The following ANO1 variants were observed in gnomAD, a reference collection of about 807,000 sequenced individuals.
The protein encoded by ANO1 is anoctamin 1.
ANO1 carries 59 observed loss-of-function variants against 124.0 expected under a neutral mutation model. The observed-to-expected ratio is 0.48, with a 90% CI of 0.39 to 0.59. ANO1 has a LOEUF of 0.59. Among genes scored for constraint, ANO1 ranks in the 20% least tolerant of loss-of-function variants. The pLI, the probability that ANO1 is intolerant of heterozygous loss-of-function variation, is 0.00. For missense variants in ANO1, 1,059 were observed against 1,328.0 expected (o/e 0.80, Z 3.15); for synonymous variants, 529 against 532.0 (o/e 0.99, Z 0.08).
intron 8 of ANO1, among the ~76,000 whole-genome samples, chr11:70,117,964 T>G (rs2046057524): frequency 6.6e-6 from 1 of 152,152 alleles, no homozygotes; most frequent in Non-Finnish European, 1.5e-5. Flanking sequence ...TGGGACCCCA[T>G]GACTTGCAGA....
upstream of ANO1, among the ~76,000 whole-genome samples, chr11:70,077,818 C>G (rs1363234698): frequency 6.6e-6 from 1 of 152,224 alleles, no homozygotes; most frequent in African/African-American, 2.4e-5. Context: ...ACTAAGCACT[C>G]CGTAAACTCG....
Position 70,162,254 on chromosome 11 carries a change from A to G in ANO1, c.1892+521A>G, listed in dbSNP as rs192108141. The stretch of plus-strand genomic sequence containing the variant: ...GAGGACCGGGGAGTGAGGACCCGGG[A>G]GTGAGGGCCCCGGACAGTGGGGACC... On this transcript the variant is annotated intron_variant, in intron 18 of 25. Coordinates refer to ENST00000355303, the MANE Select transcript of ANO1 (RefSeq NM_018043.7). Among the ~76,000 whole-genome samples the G allele has an allele frequency of 7.1e-3, 1,068 of 149,696 alleles. 19 individuals carry two copies. The highest frequency in any genetic ancestry group is 0.025 in the African/African-American group (1,026 of 40,542).
At chr11:70,152,547 C>T (rs1405610355) in intron 13 of ANO1, 86 bp downstream of exon 13, 3 of 1,479,582 alleles carry the variant, frequency 2.0e-6, no homozygotes, top group Non-Finnish European at 1.9e-6. Context: ...TCTCTTTCTA[C>T]CACGCAGTTC....
chr11:69,967,576 C>T, the ANO1 span, among the ~76,000 whole-genome samples: 1 of 152,232 alleles, frequency 6.6e-6, no homozygotes, highest in Admixed American at 6.5e-5. Flanking sequence ...CCATCCACCC[C>T]AGAGGACTCT....
chr11:70,153,463 C>G (rs2047681446), intron 14 of ANO1, among the ~76,000 whole-genome samples: 1 of 152,206 alleles, frequency 6.6e-6, no homozygotes. Flanking sequence ...GCATTTCAAC[C>G]ACAGGAACCA....
intron 1 of ANO1, among the ~76,000 whole-genome samples, chr11:70,052,460 T>G (rs1437478386): frequency 6.6e-6 from 1 of 151,098 alleles, no homozygotes; most frequent in Non-Finnish European, 1.5e-5. Flanking sequence ...ACACATGCCT[T>G]CTGACATTTA....
At chr11:70,142,633 G>A (rs1029689783) in intron 11 of ANO1, among the ~76,000 whole-genome samples, 34 of 152,196 alleles carry the variant, frequency 2.2e-4, no homozygotes, top group African/African-American at 8.2e-4. Context: ...TTAGCAAAGG[G>A]TGGTTTCTAT....
Position 70,169,191 on chromosome 11 carries a change from C to CTAG in ANO1, c.2198-1694_2198-1692dup, listed in dbSNP as rs1482241224. ...CAGCCCCTTCCCTGGATTTATTTTC[C>CTAG]TAGTGGCTGGACATCACGTCCCGAG... On this transcript the variant is annotated intron_variant, in intron 21 of 25. Coordinates refer to ENST00000355303, the MANE Select transcript of ANO1 (RefSeq NM_018043.7). Among the ~76,000 whole-genome samples the CTAG allele has an allele frequency of 5.3e-5, 8 of 152,262 alleles. No homozygotes were observed. In the East Asian group the frequency reaches 1.5e-3, roughly 29 times the overall value.
At chr11:69,997,397 T>C (rs1405233950) in intron 1 of ANO1, among the ~76,000 whole-genome samples, 1 of 148,246 alleles carries the variant, frequency 6.7e-6, no homozygotes, top group African/African-American at 2.5e-5. Context: ...AAGTCAAGGA[T>C]GGGGGCAGGA....
At chr11:70,149,916 G>C in intron 12 of ANO1, 124 bp downstream of exon 12, 1 of 1,071,262 alleles carries the variant, frequency 9.3e-7, no homozygotes, top group Non-Finnish European at 1.4e-6. Flanking sequence ...CTGAGGCAAG[G>C]CCGCCCCCCA....
the ANO1 span, among the ~76,000 whole-genome samples, chr11:69,975,642 G>T: frequency 6.6e-6 from 1 of 152,178 alleles, no homozygotes; most frequent in African/African-American, 2.4e-5. Flanking sequence ...CCATCCTTAT[G>T]GGGTTTATCC....
intron 16 of ANO1, 56 bp from the exon 17 acceptor site, chr11:70,161,105 G>C: frequency 6.7e-7 from 1 of 1,485,392 alleles, no homozygotes; most frequent in Non-Finnish European, 9.2e-7. Context: ...GATGGGGCAG[G>C]CCCAGGAAGG....
At chr11:69,998,823 C>T (rs561838016) in intron 1 of ANO1, among the ~76,000 whole-genome samples, 1 of 152,206 alleles carries the variant, frequency 6.6e-6, no homozygotes, top group Non-Finnish European at 1.5e-5. Context: ...TGTCAGGTGC[C>T]TGTAATCCCA....
chr11:69,973,208 T>C, the ANO1 span, among the ~76,000 whole-genome samples: 1 of 152,258 alleles, frequency 6.6e-6, no homozygotes, highest in East Asian at 1.9e-4. Context: ...CGCGCCCAGC[T>C]CTGGCATCTC....
At position 70,068,827 on chromosome 11, in the gene ANO1, CTGTT is replaced by C. The variant is rs551619553; in HGVS notation, c.59-9712_59-9709del. The stretch of plus-strand genomic sequence containing the variant: ...TCATCTAAGGGAAAACTGTCCCCCT[CTGTT>C]TGGTCCCCAAGCTAAACAAGGCTGT... On this transcript the variant is annotated intron_variant, in intron 1 of 27. Transcript: ENST00000531349. 7.2e-5 allele frequency among the ~76,000 whole-genome samples: 11 copies of C among 152,274 alleles called. No homozygotes were observed. The South Asian group carries it at 2.3e-3, about 32-fold the overall frequency.
intron 14 of ANO1, 37 bp downstream of exon 14, chr11:70,153,165 A>G (rs765252209): frequency 3.3e-6 from 5 of 1,517,908 alleles, no homozygotes; most frequent in Non-Finnish European, 3.6e-6. Flanking sequence ...TCCCAGCAAT[A>G]AAACACTGTG....
At chr11:70,041,713 C>A (rs565244549) in intron 1 of ANO1, among the ~76,000 whole-genome samples, 7 of 151,840 alleles carry the variant, frequency 4.6e-5, no homozygotes, top group Non-Finnish European at 4.4e-5. Flanking sequence ...AGGAGGTTCT[C>A]GGTGAAAATA....
the ANO1 span, among the ~76,000 whole-genome samples, chr11:69,974,735 T>G: frequency 6.6e-6 from 1 of 152,084 alleles, no homozygotes; most frequent in Non-Finnish European, 1.5e-5. Flanking sequence ...GCCTGTGAAA[T>G]CTGGCCACAC....
chr11:70,183,636 G>C (rs1208132216), intron 24 of ANO1, among the ~76,000 whole-genome samples: 1 of 152,232 alleles, frequency 6.6e-6, no homozygotes, highest in Non-Finnish European at 1.5e-5. Flanking sequence ...CTGACACTGG[G>C]AGGACAGGGC....
Sources: allele counts gnomAD v4.1 joint callset (sites outside exome capture counted in the v4.1 genomes callset), GRCh38; gene constraint gnomAD v4.1.1; transcripts MANE v1.5; gene names NCBI Gene and HGNC (gene_info 2026-07-23, HGNC 2026-07-21).